The following PCDHGB5 variants were observed in gnomAD, a reference collection of about 807,000 sequenced individuals.
PCDHGB5 encodes the protein protocadherin gamma-B5.
PCDHGB5 carries 48 observed loss-of-function variants against 62.9 expected under a neutral mutation model. The ratio of observed to expected loss-of-function variants is 0.76; its 90% CI spans 0.61 to 0.97. The LOEUF (loss-of-function observed/expected upper bound fraction) is 0.97. PCDHGB5 is among the 50% of genes least tolerant of loss of function. The probability of loss-of-function intolerance (pLI) is 0.00; values close to 1 mark genes in which losing one functional copy is unlikely to be tolerated. For synonymous variants in PCDHGB5, 474 were observed against 511.2 expected (o/e 0.93, Z 0.98); for missense variants, 1,118 against 1,198.6 (o/e 0.93, Z 0.99).
At chr5:141,406,431 T>G (rs1316370664) in intron 1 of PCDHGB5, among the ~76,000 whole-genome samples, 3 of 152,352 alleles carry the variant, frequency 2.0e-5, no homozygotes, top group Non-Finnish European at 4.4e-5. Context: ...ATTTATTGCT[T>G]CTATTCTTCC....
chr5:141,432,706 C>T lies in PCDHGB5; in HGVS notation c.2397+32182C>T, dbSNP rs761752571. ...GCCTCGTAGTGGCCGTCCAGGACCA[C>T]GGCCAGCCCCCTCTCTCCGCCACTG... On this transcript the variant is annotated intron_variant, in intron 1 of 3. Transcript: ENST00000617380. The surrounding 1 kb of genome is among the most constrained non-coding windows in gnomAD (Gnocchi z 6.0). 10 of 1,613,870 alleles carry T rather than the reference C, an allele frequency of 6.2e-6. No homozygotes were observed. The East Asian group carries it at 1.1e-4, about 18-fold the overall frequency.
At chr5:141,419,863 G>C in intron 1 of PCDHGB5, 1 of 1,614,108 alleles carries the variant, frequency 6.2e-7, no homozygotes, top group Non-Finnish European at 8.5e-7. Flanking sequence ...CAGATAGCTT[G>C]CAAGAGGTAC....
Position 141,431,682 on chromosome 5 carries a change from A to C in PCDHGB5, c.2397+31158A>C. The C allele has an allele frequency of 1.2e-6, 2 of 1,614,232 alleles. No homozygotes were observed. Among genetic ancestry groups the C allele is most frequent in the Non-Finnish European group, 1.7e-6 (2 of 1,180,042 alleles). ...ACAATATCAACAATAGGGGAGTTGG[A>C]CCACGAGGAGTCAGGATTCTACCAG... On this transcript the variant is annotated intron_variant, in intron 1 of 3. Transcript: ENST00000617380. The surrounding 1 kb of genome is among the most constrained non-coding windows in gnomAD (Gnocchi z 4.8).
In PCDHGB5 at chr5:141,398,503, A is replaced by G. The variant is rs2093664041; in HGVS notation, c.376A>G (p.Ile126Val). ...FYHVNVEIED[I>V]NDHTPKFTQN... ...TCACGTGAATGTGGAGATCGAGGACATTAATGACCACACGCCAAAATTCAC... is the reference window on the plus strand; with the variant it reads ...TCACGTGAATGTGGAGATCGAGGACGTTAATGACCACACGCCAAAATTCAC... Residue 126 changes from isoleucine to valine, a missense_variant, in exon 1 of 4, where the codon ATT (isoleucine) becomes GTT (valine). Physicochemically the swap from Ile to Val is conservative, Grantham distance 29 (BLOSUM62 3). Transcript: ENST00000617380. 3 of 1,601,316 alleles carry G rather than the reference A, an allele frequency of 1.9e-6. No homozygotes were observed. The highest frequency in any genetic ancestry group is 1.7e-6 in the Non-Finnish European group (2 of 1,173,828).
rs750564390 is a variant in PCDHGB5, at chr5:141,494,823, C to T, written c.2414C>T (p.Thr805Met). Residue 805 changes from threonine to methionine, a missense_variant, in exon 2 of 4, where the codon ACG becomes ATG. Physicochemically the swap from Thr to Met is moderately conservative, Grantham distance 81. Coordinates refer to ENST00000617380, the MANE Select transcript of PCDHGB5 (RefSeq NM_018925.3). Reference sequence around the variant, plus strand: ...TCTCCACAGCAAGCCCCGCCCAACACGGACTGGCGTTTCTCTCAGGCCCAG... The same window carrying T: ...TCTCCACAGCAAGCCCCGCCCAACATGGACTGGCGTTTCTCTCAGGCCCAG... ...SHPELQAPPN[T>M]DWRFSQAQRP... 7 of 1,614,014 alleles carry T rather than the reference C, an allele frequency of 4.3e-6. No individual in the cohort carries two copies. The East Asian group carries it at 8.9e-5, about 21-fold the overall frequency.
chr5:141,419,240 G>C (rs753956971), intron 1 of PCDHGB5: 1 of 1,613,980 alleles, frequency 6.2e-7, no homozygotes, highest in South Asian at 1.1e-5. Flanking sequence ...CCTGGTCCAC[G>C]TGCCAGAAAA....
chr5:141,424,127 A>T (rs901831932), intron 1 of PCDHGB5: 1 of 486,538 alleles, frequency 2.1e-6, no homozygotes, highest in African/African-American at 2.1e-5. Flanking sequence ...GATCCTGTTG[A>T]TTTAATAGCA....
intron 1 of PCDHGB5, among the ~76,000 whole-genome samples, chr5:141,444,735 C>A (rs924159168): frequency 1.3e-5 from 2 of 152,116 alleles, no homozygotes; most frequent in Admixed American, 1.3e-4. Context: ...TGTTGAAAGT[C>A]ATTTCACTGA....
Position 141,429,387 on chromosome 5 carries a change from TAAA to T in PCDHGB5, c.2397+28869_2397+28871del, listed in dbSNP as rs11410533. Among the ~76,000 whole-genome samples, 27 of 151,446 alleles carry T rather than the reference TAAA, an allele frequency of 1.8e-4. No homozygotes were observed. In the East Asian group the frequency reaches 1.9e-3, roughly 11 times the overall value. ...AAATGGAGAAAATGTGTTTTTTTTTTAAAAAAAATTGAGATTAAGGTCTCATTA... is the reference window on the plus strand; with the variant it reads ...AAATGGAGAAAATGTGTTTTTTTTTTAAAAATTGAGATTAAGGTCTCATTA... On this transcript the variant is annotated intron_variant, in intron 1 of 3. Coordinates refer to ENST00000617380, the MANE Select transcript of PCDHGB5 (RefSeq NM_018925.3).
At chr5:141,402,091 G>A (rs1453803021) in intron 1 of PCDHGB5, among the ~76,000 whole-genome samples, 2 of 152,204 alleles carry the variant, frequency 1.3e-5, no homozygotes, top group African/African-American at 4.8e-5. Context: ...TAGCAGAAAA[G>A]TTTAAGCAAT....
At chr5:141,504,991 G>A (rs896449285) in intron 2 of PCDHGB5, among the ~76,000 whole-genome samples, 44 of 152,034 alleles carry the variant, frequency 2.9e-4, no homozygotes, top group Admixed American at 2.6e-3. Context: ...GTGAAACCCC[G>A]TCTGTACTAA....
chr5:141,421,611 T>C lies in PCDHGB5; in HGVS notation c.2397+21087T>C, dbSNP rs747573417. 6.8e-6 allele frequency: 11 copies of C among 1,613,694 alleles called. No homozygotes were observed. The African/African-American group carries it at 1.3e-4, about 20-fold the overall frequency. On this transcript the variant is annotated intron_variant, in intron 1 of 3. Transcript: ENST00000617380. ...TGGAGGTGGAAATAATAGATATTAA[T>C]GATAACGCCCCCAGCTTCCAGGAGG...
At chr5:141,424,120 C>A in intron 1 of PCDHGB5, 2 of 650,838 alleles carry the variant, frequency 3.1e-6, no homozygotes, top group Non-Finnish European at 3.9e-6. Context: ...AAATTTTGAT[C>A]CTGTTGATTT....
chr5:141,403,961 G>T (rs763967342), intron 1 of PCDHGB5: 14 of 1,613,774 alleles, frequency 8.7e-6, no homozygotes, highest in Middle Eastern at 1.6e-4. Context: ...GCTCATTTCG[G>T]TGGAAGATGT....
At position 141,398,109 on chromosome 5, in the gene PCDHGB5, G is replaced by T; in HGVS notation, c.-19G>T. 1 of 1,594,204 alleles carries T rather than the reference G, an allele frequency of 6.3e-7. No individual in the cohort carries two copies. Among genetic ancestry groups the T allele is most frequent in the Non-Finnish European group, 8.5e-7 (1 of 1,171,590 alleles). Reference sequence around the variant, plus strand: ...CTGGCGTCTCCAGGCTGGTGAGCAAGCTGAGGAGAGCAAGAGGGATGGGGA... The same window carrying T: ...CTGGCGTCTCCAGGCTGGTGAGCAATCTGAGGAGAGCAAGAGGGATGGGGA... On this transcript the variant is annotated 5_prime_UTR_variant, in exon 1 of 4. Coordinates refer to ENST00000617380, the MANE Select transcript of PCDHGB5 (RefSeq NM_018925.3).
In PCDHGB5 at chr5:141,475,307, T is replaced by C. The variant is rs527879991; in HGVS notation, c.2398-19500T>C. The stretch of plus-strand genomic sequence containing the variant: ...GGTAGGGAAATTTCTTATTGCTCCC[T>C]GGTTCTTAAGAAATGAGAGCTAACA... On this transcript the variant is annotated intron_variant, in intron 1 of 3. Transcript: ENST00000617380. 2.8e-4 allele frequency among the ~76,000 whole-genome samples: 43 copies of C among 152,348 alleles called. 1 individual carries two copies. Among genetic ancestry groups the C allele is most frequent in the Admixed American group, 8.5e-4 (13 of 15,298 alleles).
chr5:141,404,680 G>A (rs2094553624), intron 1 of PCDHGB5: 2 of 1,614,042 alleles, frequency 1.2e-6, no homozygotes, highest in Non-Finnish European at 1.7e-6. Context: ...CTGGTGTGGA[G>A]CTGGCACCCC....
rs1297899765 is a variant in PCDHGB5, at chr5:141,431,815, C to T, written c.2397+31291C>T. ...CCCCAGAAGTGGTCCTCACCTCTCTCGCCAGCTCGGTTCCCGAAAACTCTC... is the reference window on the plus strand; with the variant it reads ...CCCCAGAAGTGGTCCTCACCTCTCTTGCCAGCTCGGTTCCCGAAAACTCTC... On this transcript the variant is annotated intron_variant, in intron 1 of 3. Transcript: ENST00000617380. The surrounding 1 kb of genome is among the most constrained non-coding windows in gnomAD (Gnocchi z 4.8). 5 of 1,614,124 alleles carry T rather than the reference C, an allele frequency of 3.1e-6. No homozygotes were observed. The Admixed American group carries it at 5.0e-5, about 16-fold the overall frequency.
At chr5:141,478,118 G>C in intron 1 of PCDHGB5, 2 of 1,614,048 alleles carry the variant, frequency 1.2e-6, no homozygotes, top group African/African-American at 1.3e-5. Context: ...GTCAGTAACC[G>C]AGGACTCTCC....
Sources: gnomAD v4.1 joint callset for allele counts (sites outside exome capture counted in the v4.1 genomes callset) on GRCh38, gnomAD v4.1.1 for gene constraint, Gnocchi (gnomAD v3.1) non-coding constraint, MANE v1.5 for transcripts, NCBI Gene and HGNC (gene_info 2026-07-23, HGNC 2026-07-21) for gene names.